RARB: variants seen among roughly 807,000 people sequenced by gnomAD.
RARB encodes retinoic acid receptor beta.
In RARB, 17 loss-of-function variants were observed where a neutral mutation model predicts 51.9. The observed-to-expected ratio is 0.33, with a 90% confidence interval of 0.22 to 0.49. The LOEUF is 0.49. Ranked by LOEUF, RARB falls within the 20% of genes least tolerant of loss-of-function variation. The pLI is 0.99. For missense variants in RARB, 369 were observed against 550.8 expected (o/e 0.67, Z 3.30); for synonymous variants, 215 against 195.4 (o/e 1.10, Z -0.84).
intron 2 of RARB, among the ~76,000 whole-genome samples, chr3:24,956,658 G>C (rs1014803190): frequency 6.6e-6 from 1 of 152,064 alleles, no homozygotes; most frequent in Non-Finnish European, 1.5e-5. Flanking sequence ...GACTAAACAG[G>C]GTCACATGTA....
At chr3:25,454,054 C>T (rs1262161909) in intron 1 of RARB, among the ~76,000 whole-genome samples, 4 of 152,222 alleles carry the variant, frequency 2.6e-5, no homozygotes, top group Non-Finnish European at 4.4e-5. Flanking sequence ...AAAGCAGATC[C>T]TCTCCTGAAA....
At chr3:25,535,292 T>C (rs2125648141) in intron 3 of RARB, among the ~76,000 whole-genome samples, 1 of 152,280 alleles carries the variant, frequency 6.6e-6, no homozygotes, top group East Asian at 1.9e-4. Flanking sequence ...CTTGGAGTGA[T>C]GTCAGGGCAG....
At chr3:25,088,856 T>A (rs1280046407) in intron 3 of RARB, among the ~76,000 whole-genome samples, 1 of 152,082 alleles carries the variant, frequency 6.6e-6, no homozygotes. Context: ...AAGCTCTTTT[T>A]TTAAATGGCA....
intron 4 of RARB, among the ~76,000 whole-genome samples, chr3:25,143,608 A>C (rs1000721217): frequency 1.3e-5 from 2 of 152,162 alleles, no homozygotes; most frequent in Admixed American, 6.5e-5. Context: ...GTGCCCTGGT[A>C]GCCTCTGTAG....
chr3:25,406,238 G>A (rs1166211607), intron 5 of RARB, among the ~76,000 whole-genome samples: 2 of 152,144 alleles, frequency 1.3e-5, no homozygotes, highest in Non-Finnish European at 2.9e-5. Context: ...TTCCAGGAAG[G>A]GATCGCTGTG....
chr3:24,863,330 G>A (rs761687931), intron 2 of RARB, among the ~76,000 whole-genome samples: 3 of 152,188 alleles, frequency 2.0e-5, no homozygotes, highest in Non-Finnish European at 2.9e-5. Context: ...ATTCATGTGA[G>A]CTTGGTGATG....
At chr3:24,980,989 T>A (rs1282546769) in intron 2 of RARB, among the ~76,000 whole-genome samples, 1 of 151,164 alleles carries the variant, frequency 6.6e-6, no homozygotes, top group Non-Finnish European at 1.5e-5. Context: ...GCTATTCCTT[T>A]CGTTTTGTTA....
chr3:25,236,905 T>C (rs1337135707), intron 5 of RARB, among the ~76,000 whole-genome samples: 1 of 138,988 alleles, frequency 7.2e-6, no homozygotes, highest in Non-Finnish European at 1.6e-5. Flanking sequence ...ATATTTATTT[T>C]AAACCCCGGA....
intron 2 of RARB, among the ~76,000 whole-genome samples, chr3:24,967,115 T>C (rs1696292324): frequency 1.3e-5 from 2 of 152,152 alleles, no homozygotes; most frequent in Non-Finnish European, 2.9e-5. Flanking sequence ...CATATTATCT[T>C]GAAAAATCAG....
chr3:25,310,397 T>A (rs923695378), intron 5 of RARB, among the ~76,000 whole-genome samples: 1 of 152,172 alleles, frequency 6.6e-6, no homozygotes, highest in Non-Finnish European at 1.5e-5. Flanking sequence ...TAGGTCAATA[T>A]TTTTTGGTAC....
intron 2 of RARB, among the ~76,000 whole-genome samples, chr3:24,983,036 TA>T (rs1353405962): frequency 2.6e-5 from 4 of 152,206 alleles, no homozygotes; most frequent in Admixed American, 6.5e-5. Context: ...TCCAAGAATG[TA>T]ACCACCAAAC....
chr3:25,414,135 A>G (rs1364440549), intron 5 of RARB, among the ~76,000 whole-genome samples: 2 of 152,178 alleles, frequency 1.3e-5, no homozygotes, highest in Non-Finnish European at 2.9e-5. Context: ...ATTAGATTGC[A>G]TTTCCTAGAA....
chr3:25,542,916 A>G (rs1699444472), intron 3 of RARB, among the ~76,000 whole-genome samples: 1 of 152,168 alleles, frequency 6.6e-6, no homozygotes, highest in African/African-American at 2.4e-5. Context: ...GTGTGTTCAC[A>G]TAGTTAGTGG....
intron 5 of RARB, among the ~76,000 whole-genome samples, chr3:25,269,221 G>T (rs1268658357): frequency 6.6e-6 from 1 of 152,128 alleles, no homozygotes; most frequent in East Asian, 1.9e-4. Flanking sequence ...CATTTTAGAA[G>T]TCCCTTGAAT....
chr3:25,185,182 CA>C (rs2125359875), intron 5 of RARB, among the ~76,000 whole-genome samples: 1 of 152,134 alleles, frequency 6.6e-6, no homozygotes, highest in East Asian at 1.9e-4. Context: ...CTCAAGGGGA[CA>C]ATCCTAAGTT....
rs183791727 is a variant in RARB, at chr3:25,190,718, C to T, written c.178+16143C>T. On this transcript the variant is annotated intron_variant, in intron 5 of 11. Transcript: ENST00000383772. Reference sequence around the variant, plus strand: ...AAAAGGAACCTCAAAGAGAAAGGGTCTCCTCCCCACTTCTAGATTTTTTTC... The same window carrying T: ...AAAAGGAACCTCAAAGAGAAAGGGTTTCCTCCCCACTTCTAGATTTTTTTC... Among the ~76,000 whole-genome samples, 86 of 152,246 alleles carry T rather than the reference C, an allele frequency of 5.6e-4. 1 individual carries two copies. Among genetic ancestry groups the T allele is most frequent in the African/African-American group, 1.9e-3 (79 of 41,566 alleles).
intron 5 of RARB, among the ~76,000 whole-genome samples, chr3:25,230,350 C>A (rs1053982029): frequency 6.6e-6 from 1 of 151,998 alleles, no homozygotes. Flanking sequence ...TGTTCTTTCC[C>A]CCATTTCATG....
At chr3:25,119,746 C>T (rs1699749472) in intron 3 of RARB, among the ~76,000 whole-genome samples, 1 of 151,900 alleles carries the variant, frequency 6.6e-6, no homozygotes, top group Admixed American at 6.6e-5. Flanking sequence ...CTCATTTGTT[C>T]AGGTATAGCA....
chr3:25,239,418 T>C (rs1702378026), intron 5 of RARB, among the ~76,000 whole-genome samples: 1 of 152,164 alleles, frequency 6.6e-6, no homozygotes, highest in Non-Finnish European at 1.5e-5. Flanking sequence ...ATTCTTCTAG[T>C]AATTTTATAG....
Sources: gnomAD v4.1 joint callset for allele counts (sites outside exome capture counted in the v4.1 genomes callset) on GRCh38, gnomAD v4.1.1 for gene constraint, MANE v1.5 for transcripts, NCBI Gene and HGNC (gene_info 2026-07-23, HGNC 2026-07-21) for gene names.